The following NSMF variants were observed in gnomAD, a reference collection of about 807,000 sequenced individuals.
NSMF encodes the protein NMDA receptor synaptonuclear signaling and neuronal migration factor.
A neutral mutation model predicts 71.0 loss-of-function variants in NSMF; 31 were observed. The ratio of observed to expected loss-of-function variants is 0.44; its 90% CI spans 0.33 to 0.59. The LOEUF is 0.59. Ranked by LOEUF, NSMF falls within the 20% of genes least tolerant of loss-of-function variation. The pLI is 0.04. For synonymous variants in NSMF, 345 were observed against 287.1 expected, an observed-to-expected ratio of 1.20 and a Z score of -2.04; for missense variants, 673 against 740.5, an observed-to-expected ratio of 0.91 and a Z score of 1.06.
intron 5 of NSMF, 57 bp downstream of exon 5, chr9:137,455,572 G>T: frequency 1.2e-5 from 19 of 1,539,702 alleles, no homozygotes; most frequent in Non-Finnish European, 1.7e-5. Flanking sequence ...TGGGGTGGGA[G>T]GGTCTCCCCA....
In NSMF at chr9:137,453,777, G is replaced by T; in HGVS notation, c.876C>A (p.Ser292Arg). The T allele has an allele frequency of 6.2e-7, 1 of 1,600,728 alleles. No individual in the cohort carries two copies. Among genetic ancestry groups the T allele is most frequent in the Admixed American group, 1.7e-5 (1 of 59,576 alleles). The change falls in exon 8 of 16, where the codon AGC becomes AGA. Residue 292 changes from serine to arginine, a missense_variant. Ser to Arg is a moderately radical substitution (Grantham distance 110, BLOSUM62 -1). Transcript: ENST00000371475. The surrounding 1 kb of genome is among the most constrained non-coding windows in gnomAD (Gnocchi z 4.5). ...RRERSFSRSW[S>R]DPTPMKADTS... ...TGTCGGCTTTCATGGGGGTGGGGTC[G>T]CTCCAGGACCGGCTGAAGCTCCGCT...
At position 137,454,365 on chromosome 9, in the gene NSMF, C is replaced by T. The variant is rs776597417; in HGVS notation, c.832+26G>A. On this transcript the variant is annotated intron_variant, in intron 7 of 15. Transcript: ENST00000371475. Reference sequence around the variant, plus strand: ...AACCAGCCAAGCGCAACGCCGCCCCCCCACCCCCGCCGCACGGGGTCTTAC... The same window carrying T: ...AACCAGCCAAGCGCAACGCCGCCCCTCCACCCCCGCCGCACGGGGTCTTAC... The T allele has an allele frequency of 3.5e-5, 54 of 1,548,390 alleles. No individual in the cohort carries two copies. The East Asian group carries it at 7.8e-4, about 22-fold the overall frequency.
chr9:137,458,620 CG>C lies in NSMF; in HGVS notation c.72-72del, dbSNP rs1830993934. 40 of 1,419,538 alleles carry C rather than the reference CG, an allele frequency of 2.8e-5. No homozygotes were observed. In the South Asian group the frequency reaches 4.2e-4, roughly 15 times the overall value. 87.9% of individuals were successfully genotyped at this position (1,419,538 alleles called of 1,614,324 possible). A position where few individuals can be genotyped will look rare whatever the true frequency, so the allele number is the denominator to read the frequency against. Reference sequence around the variant, plus strand: ...CCCAAACACCGGGCCGCGCAAGAGCCGGGGGTCCGGTCCCCAGCCAGGCCCT... The same window carrying C: ...CCCAAACACCGGGCCGCGCAAGAGCCGGGGTCCGGTCCCCAGCCAGGCCCT... On this transcript the variant is annotated intron_variant, in intron 1 of 15. Coordinates refer to ENST00000371475, the MANE Select transcript of NSMF (RefSeq NM_001130969.3).
rs1411097745 is a variant in NSMF, at chr9:137,453,190, A to G, written c.923-10T>C. The stretch of plus-strand genomic sequence containing the variant: ...CTCTGCAGGTCACTGCCTGGGAAGC[A>G]AGAGGGTCACCAGGACAGCAGGCCC... On this transcript the variant is annotated splice_polypyrimidine_tract_variant and intron_variant, in intron 8 of 15. Coordinates refer to ENST00000371475, the MANE Select transcript of NSMF (RefSeq NM_001130969.3). The surrounding 1 kb of genome is among the most constrained non-coding windows in gnomAD (Gnocchi z 4.5). The G allele has an allele frequency of 8.7e-6, 14 of 1,612,242 alleles. No individual in the cohort carries two copies. The highest frequency in any genetic ancestry group is 1.2e-5 in the Non-Finnish European group (14 of 1,179,860).
intron 2 of NSMF, 70 bp from the exon 3 acceptor site, chr9:137,457,971 A>G: frequency 6.5e-7 from 1 of 1,533,084 alleles, no homozygotes; most frequent in Non-Finnish European, 8.7e-7. Flanking sequence ...TAGCAGGCCG[A>G]AGGCAGAGAA....
In NSMF at chr9:137,452,802, C is replaced by A. The variant is rs1432929040; in HGVS notation, c.1065G>T (p.Val355=). 1.2e-6 allele frequency: 2 copies of A among 1,603,818 alleles called. No homozygotes were observed. The highest frequency in any genetic ancestry group is 2.2e-5 in the East Asian group (1 of 44,568). ...TAGTGGGGATGTACTCAGCCTTGGG[C>A]ACCTTGGAGGAAATGAGCTGCGGAG... ...PPKVMLISSK[V]PKAEYIPTII... The change falls in exon 10 of 16, where the codon GTG becomes GTT. Residue 355 remains valine, a synonymous_variant. Transcript: ENST00000371475.
Position 137,457,894 on chromosome 9 carries a change from C to A in NSMF, c.141G>T (p.Leu47=). ...HPENRNGADH[L]LADAYSGHDG... is the part of the protein sequence containing the mutation. Reference sequence around the variant, plus strand: ...CGTGGCCAGAGTAGGCATCAGCCAGCAGGTGATCTAGGAGAGACACTGAGT... The same window carrying A: ...CGTGGCCAGAGTAGGCATCAGCCAGAAGGTGATCTAGGAGAGACACTGAGT... The change falls in exon 3 of 16, where the codon CTG becomes CTT. Residue 47 remains leucine (L), a synonymous_variant. Transcript: ENST00000371475. 1 of 1,543,750 alleles carries A rather than the reference C, an allele frequency of 6.5e-7. No individual in the cohort carries two copies. The highest frequency in any genetic ancestry group is 1.4e-5 in the African/African-American group (1 of 73,458).
chr9:137,453,026 T>C lies in NSMF; in HGVS notation c.1047+30A>G. On this transcript the variant is annotated intron_variant, in intron 9 of 15. Transcript: ENST00000371475. The surrounding 1 kb of genome is among the most constrained non-coding windows in gnomAD (Gnocchi z 4.5). ...TTGGGGCGGAGTCCTGCTCGGGGTG[T>C]AGAGGAGCACTGCCCGGGCTGGGCC... 6.2e-7 allele frequency: 1 copy of C among 1,611,212 alleles called. No individual in the cohort carries two copies. The highest frequency in any genetic ancestry group is 8.5e-7 in the Non-Finnish European group (1 of 1,179,834).
At chr9:137,457,984 C>A in intron 2 of NSMF, 83 bp from the exon 3 acceptor site, 2 of 1,527,734 alleles carry the variant, frequency 1.3e-6, no homozygotes, top group African/African-American at 1.4e-5. Flanking sequence ...GCAGAGAACA[C>A]CCAGTGGGCA....
intron 15 of NSMF, 46 bp downstream of exon 15, chr9:137,449,542 CACCCCACCGTG>C: frequency 6.2e-7 from 1 of 1,609,930 alleles, no homozygotes; most frequent in Non-Finnish European, 8.5e-7. Flanking sequence ...CTGGGGATCC[CACCCCACCGTG>C]GCCCCGCAGT....
Position 137,456,471 on chromosome 9 carries a change from C to G in NSMF, c.644G>C (p.Arg215Pro), listed in dbSNP as rs375206232. The change falls in exon 4 of 16, where the codon CGT becomes CCT. Residue 215 changes from arginine to proline, a missense_variant. By Grantham distance (103) the Arg-to-Pro change is moderately radical. Around this residue, in one of 2 missense-constraint regions of NSMF, gnomAD observed 471 missense variants for 459.6 expected, o/e 1.02. Transcript: ENST00000371475. ...VDRVSDDIPIRTWFPKENLFS... is the reference protein window; with the variant it reads ...VDRVSDDIPIPTWFPKENLFS... ...AAGATTTTCCTTGGGGAACCAGGTA[C>G]GAATAGGGATGTCGTCTAAGAGAGA... 2 of 1,612,338 alleles carry G rather than the reference C, an allele frequency of 1.2e-6. No homozygotes were observed. Among genetic ancestry groups the G allele is most frequent in the Admixed American group, 3.3e-5 (2 of 60,002 alleles).
At chr9:137,454,325 A>G in intron 7 of NSMF, 66 bp downstream of exon 7, 1 of 1,454,740 alleles carries the variant, frequency 6.9e-7, no homozygotes, top group Non-Finnish European at 9.4e-7. Flanking sequence ...CGCAGCTAGC[A>G]GCAAGCAAAG....
chr9:137,457,258 A>C, intron 3 of NSMF, 149 bp downstream of exon 3: 3 of 1,167,272 alleles, frequency 2.6e-6, no homozygotes, highest in Non-Finnish European at 2.5e-6. Flanking sequence ...GCCGCAGCAG[A>C]AGCCTGCCGG....
rs1466875097 is a variant in NSMF, at chr9:137,453,039, C to T, written c.1047+17G>A. 2 of 1,611,916 alleles carry T rather than the reference C, an allele frequency of 1.2e-6. No individual in the cohort carries two copies. Among genetic ancestry groups the T allele is most frequent in the East Asian group, 4.5e-5 (2 of 44,870 alleles). The stretch of plus-strand genomic sequence containing the variant: ...CTGCTCGGGGTGTAGAGGAGCACTG[C>T]CCGGGCTGGGCCTCACCATGACCTT... On this transcript the variant is annotated intron_variant, in intron 9 of 15. Coordinates refer to ENST00000371475, the MANE Select transcript of NSMF (RefSeq NM_001130969.3). This position sits in a 1 kb window ranked among gnomAD's most constrained non-coding sequence, Gnocchi z 4.5.
intron 4 of NSMF, 123 bp downstream of exon 4, chr9:137,456,288 G>A (rs536645849): frequency 2.4e-6 from 2 of 825,196 alleles, no homozygotes; most frequent in Admixed American, 3.4e-5. Flanking sequence ...CACAGCATAG[G>A]CACGTGGGTC....
Position 137,449,145 on chromosome 9 carries a change from G to A in NSMF, c.*249C>T. The A allele has an allele frequency of 1.7e-6, 1 of 586,878 alleles. No homozygotes were observed. The allele number at this position is 586,878 out of a possible 1,614,324, so 36.4% of individuals were successfully genotyped here. On this transcript the variant is annotated 3_prime_UTR_variant, in exon 16 of 16. Transcript: ENST00000371475. ...TCCAGGCGAGGCATGGCAGGTCAGTGCCTGGCCGCTGAGCATCCACGGGCC... is the reference window on the plus strand; with the variant it reads ...TCCAGGCGAGGCATGGCAGGTCAGTACCTGGCCGCTGAGCATCCACGGGCC...
At chr9:137,456,374 C>A (rs1305495310) in intron 4 of NSMF, 37 bp downstream of exon 4, 5 of 1,545,810 alleles carry the variant, frequency 3.2e-6, no homozygotes, top group African/African-American at 1.4e-5. Context: ...AAAGAGACCA[C>A]CCAACCCTGA....
chr9:137,453,671 G>C lies in NSMF; in HGVS notation c.922+60C>G, dbSNP rs1349345446. On this transcript the variant is annotated intron_variant, in intron 8 of 15. Transcript: ENST00000371475. The surrounding 1 kb of genome is among the most constrained non-coding windows in gnomAD (Gnocchi z 4.5). The stretch of plus-strand genomic sequence containing the variant: ...CGGCCCTGGCAGGGGACCCCCAGCA[G>C]GGGTCTGGGGTCTAGGGGAGGCTCT... The C allele has an allele frequency of 7.4e-7, 1 of 1,343,978 alleles. No individual in the cohort carries two copies. Among genetic ancestry groups the C allele is most frequent in the African/African-American group, 1.5e-5 (1 of 68,294 alleles). 83.3% of individuals were successfully genotyped at this position (1,343,978 alleles called of 1,614,324 possible).
intron 6 of NSMF, chr9:137,454,980 T>G (rs1037236863): frequency 1.4e-6 from 1 of 716,860 alleles, no homozygotes. Flanking sequence ...TCTGTGTGAT[T>G]GGAGTGGGGG....
Sources: allele counts gnomAD v4.1 joint callset, GRCh38; gene constraint gnomAD v4.1.1; regional missense constraint gnomAD v4.1.1; non-coding constraint Gnocchi (gnomAD v3.1); transcripts MANE v1.5; gene names NCBI Gene and HGNC (gene_info 2026-07-23, HGNC 2026-07-21).